The following PRR16 variants were observed in gnomAD, a reference collection of about 807,000 sequenced individuals.
PRR16 encodes proline rich 16.
In PRR16, 6 loss-of-function variants were observed where a neutral mutation model predicts 18.2. The ratio of observed to expected loss-of-function variants is 0.33; its 90% CI spans 0.18 to 0.65. The LOEUF (loss-of-function observed/expected upper bound fraction) is 0.65, where lower values mean the gene tolerates loss of function less well. Among genes scored for constraint, PRR16 ranks in the 30% least tolerant of loss-of-function variants. PRR16 has a pLI of 0.74. For synonymous variants in PRR16, 151 were observed against 147.8 expected (o/e 1.02, Z -0.16); for missense variants, 412 against 376.6 (o/e 1.09, Z -0.78).
intron 1 of PRR16, among the ~76,000 whole-genome samples, chr5:120,479,210 A>G (rs915354576): frequency 1.3e-5 from 2 of 152,164 alleles, no homozygotes; most frequent in African/African-American, 2.4e-5. Flanking sequence ...AACTTTCAGT[A>G]TATTGTCTAA....
At chr5:120,645,963 T>A (rs144926924) in intron 1 of PRR16, among the ~76,000 whole-genome samples, 119 of 151,092 alleles carry the variant, frequency 7.9e-4, no homozygotes, top group African/African-American at 2.7e-3. Flanking sequence ...AGGATCATAA[T>A]TGATTGGAGC....
chr5:120,479,924 T>C (rs1393100207), intron 1 of PRR16, among the ~76,000 whole-genome samples: 1 of 152,206 alleles, frequency 6.6e-6, no homozygotes, highest in Admixed American at 6.5e-5. Flanking sequence ...TTCAATAACT[T>C]TATGAGACAT....
At chr5:120,583,878 T>A (rs1287119144) in intron 1 of PRR16, among the ~76,000 whole-genome samples, 1 of 152,050 alleles carries the variant, frequency 6.6e-6, no homozygotes, top group African/African-American at 2.4e-5. Flanking sequence ...CTCTAGGGAG[T>A]CATAGGAAGT....
In PRR16 at chr5:120,684,229, A is replaced by C. The variant is rs1230045431; in HGVS notation, c.160-1725A>C. On this transcript the variant is annotated intron_variant, in intron 1 of 1. Coordinates refer to ENST00000407149, the MANE Select transcript of PRR16 (RefSeq NM_001300783.2). ...CTAGAAGAAATTTGTTGAATTTACT[A>C]TATTTGTTGAATGTTTTGAAACTGC... Among the ~76,000 whole-genome samples, 3 of 152,318 alleles carry C rather than the reference A, an allele frequency of 2.0e-5. No homozygotes were observed. In the East Asian group the frequency reaches 5.8e-4, roughly 29 times the overall value.
At chr5:120,745,188 T>C in the PRR16 span, among the ~76,000 whole-genome samples, 3 of 151,826 alleles carry the variant, frequency 2.0e-5, no homozygotes, top group South Asian at 6.2e-4. Flanking sequence ...ATTTTACATA[T>C]TCTTTTGCTT....
At chr5:120,567,244 G>C (rs1369878333) in intron 1 of PRR16, among the ~76,000 whole-genome samples, 1 of 152,076 alleles carries the variant, frequency 6.6e-6, no homozygotes, top group Admixed American at 6.6e-5. Flanking sequence ...CTATGCCACT[G>C]GGTTTTGGCC....
At chr5:120,538,163 A>T (rs1050348790) in intron 1 of PRR16, among the ~76,000 whole-genome samples, 1 of 152,220 alleles carries the variant, frequency 6.6e-6, no homozygotes, top group South Asian at 2.1e-4. Flanking sequence ...TTGTCTATTC[A>T]TTGATTTCAT....
chr5:120,784,057 G>A, the PRR16 span, among the ~76,000 whole-genome samples: 2 of 152,130 alleles, frequency 1.3e-5, no homozygotes, highest in Non-Finnish European at 2.9e-5. Flanking sequence ...CTTTATGGCT[G>A]AATAATATTT....
the PRR16 span, among the ~76,000 whole-genome samples, chr5:120,724,927 AT>A: frequency 4.6e-5 from 7 of 151,924 alleles, no homozygotes; most frequent in South Asian, 4.1e-4. Context: ...ATTAAAAAAA[AT>A]ATATATAGTA....
intron 1 of PRR16, among the ~76,000 whole-genome samples, chr5:120,543,781 G>A (rs1751990251): frequency 6.6e-6 from 1 of 152,088 alleles, no homozygotes; most frequent in Admixed American, 6.6e-5. Context: ...TAATTCAAAT[G>A]ACATTAGGAT....
chr5:120,761,409 C>A, the PRR16 span, among the ~76,000 whole-genome samples: 1 of 152,026 alleles, frequency 6.6e-6, no homozygotes, highest in African/African-American at 2.4e-5. Context: ...AAAACTACCC[C>A]TAGACTATAT....
chr5:120,542,644 T>G (rs992345971), intron 1 of PRR16, among the ~76,000 whole-genome samples: 6 of 152,084 alleles, frequency 3.9e-5, no homozygotes, highest in Admixed American at 3.3e-4. Context: ...AACCAAAAGA[T>G]TGATGGATCC....
chr5:120,645,569 G>T (rs961475257), intron 1 of PRR16, among the ~76,000 whole-genome samples: 18 of 151,952 alleles, frequency 1.2e-4, no homozygotes, highest in African/African-American at 3.6e-4. Flanking sequence ...TTTATAATCT[G>T]GTAATGTGAT....
At chr5:120,732,947 C>G in the PRR16 span, among the ~76,000 whole-genome samples, 50 of 152,206 alleles carry the variant, frequency 3.3e-4, no homozygotes, top group Middle Eastern at 3.4e-3. Flanking sequence ...CTCAATTATA[C>G]CAGATGCGTG....
At chr5:120,747,742 G>C in the PRR16 span, among the ~76,000 whole-genome samples, 3 of 151,788 alleles carry the variant, frequency 2.0e-5, no homozygotes, top group Admixed American at 2.0e-4. Flanking sequence ...AACAATTTAA[G>C]GAAGGAAGAG....
chr5:120,726,639 A>G, the PRR16 span, among the ~76,000 whole-genome samples: 1 of 152,088 alleles, frequency 6.6e-6, no homozygotes, highest in Non-Finnish European at 1.5e-5. Flanking sequence ...ATGATTTGAT[A>G]GTTAATAATG....
intron 1 of PRR16, among the ~76,000 whole-genome samples, chr5:120,467,054 C>T (rs1382340587): frequency 2.6e-5 from 4 of 152,044 alleles, no homozygotes; most frequent in African/African-American, 9.7e-5. Context: ...TGCAGTTGTC[C>T]AGCATGTATC....
At position 120,546,938 on chromosome 5, in the gene PRR16, C is replaced by T. The variant is rs562983768; in HGVS notation, c.159+82293C>T. Among the ~76,000 whole-genome samples, 7 of 152,082 alleles carry T rather than the reference C, an allele frequency of 4.6e-5. No individual in the cohort carries two copies. In the East Asian group the frequency reaches 5.8e-4, roughly 13 times the overall value. The stretch of plus-strand genomic sequence containing the variant: ...TATATGGGCTATCGGCTAGTTATAT[C>T]GATACTCACTCTTAGTTACATGCCA... On this transcript the variant is annotated intron_variant, in intron 1 of 1. Coordinates refer to ENST00000407149, the MANE Select transcript of PRR16 (RefSeq NM_001300783.2).
At chr5:120,714,087 C>T in the PRR16 span, among the ~76,000 whole-genome samples, 2 of 151,596 alleles carry the variant, frequency 1.3e-5, no homozygotes. Context: ...TTTAGGAAAA[C>T]AATTTCTTCT....
Sources: allele counts gnomAD v4.1 joint callset (sites outside exome capture counted in the v4.1 genomes callset), GRCh38; gene constraint gnomAD v4.1.1; transcripts MANE v1.5; gene names NCBI Gene and HGNC (gene_info 2026-07-23, HGNC 2026-07-21).